The following ABCG2 variants were observed in gnomAD, a reference collection of about 807,000 sequenced individuals.
The protein encoded by ABCG2 is broad substrate specificity ATP-binding cassette transporter ABCG2.
ABCG2 carries 80 observed loss-of-function variants against 73.5 expected under a neutral mutation model. The ratio of observed to expected loss-of-function variants is 1.09; its 90% confidence interval spans 0.91 to 1.31. The LOEUF (loss-of-function observed/expected upper bound fraction) is 1.31. ABCG2 is among the 50% of genes most tolerant of loss of function. ABCG2 has a pLI of 0.00. For synonymous variants in ABCG2, 269 were observed against 282.4 expected (o/e 0.95, Z 0.48); for missense variants, 796 against 786.2 (o/e 1.01, Z -0.15).
chr4:88,179,471 A>C (rs1462352258), intron 1 of ABCG2, among the ~76,000 whole-genome samples: 1 of 152,206 alleles, frequency 6.6e-6, no homozygotes, highest in East Asian at 1.9e-4. Context: ...AGACTACAAT[A>C]AATACTTATC....
At chr4:88,227,144 G>A (rs113478801) in intron 1 of ABCG2, among the ~76,000 whole-genome samples, 21,439 of 152,154 alleles carry the variant, frequency 0.14, 1,768 homozygotes, top group Non-Finnish European at 0.19. Context: ...TGTAATCTCA[G>A]CACTTTGGGA....
intron 1 of ABCG2, among the ~76,000 whole-genome samples, chr4:88,185,601 T>C (rs1393740800): frequency 6.6e-6 from 1 of 152,050 alleles, no homozygotes; most frequent in Non-Finnish European, 1.5e-5. Context: ...ATTTGTAAAC[T>C]ACCCATCTGA....
At chr4:88,154,753 A>G (rs904645959) in intron 1 of ABCG2, among the ~76,000 whole-genome samples, 1 of 152,210 alleles carries the variant, frequency 6.6e-6, no homozygotes, top group Non-Finnish European at 1.5e-5. Context: ...GAGACGCAAC[A>G]AAGAGTGAGT....
Position 88,121,635 on chromosome 4 carries a change from C to A in ABCG2, c.689G>T (p.Arg230Met). ...AGAATAATGTTTCCAGAGCATTTAC[C>A]TTTTCAGGAGCAAAAGGACAGCATT... is the stretch of plus-strand genomic sequence containing the variant. ...TANAVLLLLK[R>M]MSKQGRTIIF... is the part of the protein sequence containing the mutation. The change falls in exon 6 of 16, where the codon AGG (arginine) becomes ATG (methionine). Residue 230 changes from arginine (R) to methionine (M), a missense_variant and splice_region_variant. Coordinates refer to ENST00000237612, the MANE Select transcript of ABCG2 (RefSeq NM_004827.3). 6.2e-7 allele frequency: 1 copy of A among 1,613,026 alleles called. No homozygotes were observed. Among genetic ancestry groups the A allele is most frequent in the Non-Finnish European group, 8.5e-7 (1 of 1,179,646 alleles).
intron 1 of ABCG2, among the ~76,000 whole-genome samples, chr4:88,226,152 T>G (rs921435939): frequency 6.6e-6 from 1 of 152,194 alleles, no homozygotes; most frequent in African/African-American, 2.4e-5. Flanking sequence ...TCAAACAGGT[T>G]TCTGCCTCCA....
At chr4:88,103,230 T>C (rs934675653) in intron 10 of ABCG2, among the ~76,000 whole-genome samples, 3 of 152,226 alleles carry the variant, frequency 2.0e-5, no homozygotes, top group African/African-American at 7.2e-5. Context: ...AAAGATTCAA[T>C]TCAATTTGTT....
chr4:88,112,971 G>T (rs1051557259), intron 9 of ABCG2, among the ~76,000 whole-genome samples: 2 of 151,998 alleles, frequency 1.3e-5, no homozygotes, highest in Non-Finnish European at 2.9e-5. Context: ...TTAGCTGGAC[G>T]TGGTGGGACA....
intron 9 of ABCG2, among the ~76,000 whole-genome samples, chr4:88,107,820 G>A (rs1045128798): frequency 3.3e-5 from 5 of 152,178 alleles, no homozygotes; most frequent in African/African-American, 1.2e-4. Flanking sequence ...GCACAGTGAG[G>A]AAATAGGGGT....
intron 6 of ABCG2, among the ~76,000 whole-genome samples, chr4:88,120,676 G>C (rs1360840712): frequency 6.6e-6 from 1 of 152,150 alleles, no homozygotes; most frequent in Non-Finnish European, 1.5e-5. Context: ...CCCAATGCCT[G>C]TACTCCTATT....
chr4:88,143,544 A>G (rs1725780201), intron 1 of ABCG2, among the ~76,000 whole-genome samples: 1 of 152,230 alleles, frequency 6.6e-6, no homozygotes, highest in South Asian at 2.1e-4. Context: ...CCATGCCCAT[A>G]CAAGACAGAG....
intron 1 of ABCG2, among the ~76,000 whole-genome samples, chr4:88,185,816 A>T (rs764966664): frequency 6.6e-6 from 1 of 152,224 alleles, no homozygotes; most frequent in Non-Finnish European, 1.5e-5. Context: ...ATCTCATCCC[A>T]GTTAAAACAG....
intron 1 of ABCG2, among the ~76,000 whole-genome samples, chr4:88,195,689 A>G (rs970699171): frequency 6.6e-6 from 1 of 152,188 alleles, no homozygotes. Flanking sequence ...TCCCATGCAC[A>G]GTTTGACCTT....
At chr4:88,221,193 T>G (rs921569641) in intron 1 of ABCG2, among the ~76,000 whole-genome samples, 1 of 152,018 alleles carries the variant, frequency 6.6e-6, no homozygotes, top group African/African-American at 2.4e-5. Context: ...CGCTTGAACC[T>G]GGGAGGCAGA....
intron 1 of ABCG2, among the ~76,000 whole-genome samples, chr4:88,183,280 A>C (rs189213890): frequency 6.6e-6 from 1 of 152,048 alleles, no homozygotes; most frequent in East Asian, 1.9e-4. Flanking sequence ...ATGAAACTGA[A>C]AGTTGGTTTT....
chr4:88,144,429 C>CT (rs1725835936), intron 1 of ABCG2, among the ~76,000 whole-genome samples: 2 of 148,872 alleles, frequency 1.3e-5, no homozygotes, highest in Non-Finnish European at 3.0e-5. Flanking sequence ...TGCTTCCTAA[C>CT]TAGCAAGGCC....
chr4:88,181,130 G>A (rs372052412), intron 1 of ABCG2, among the ~76,000 whole-genome samples: 10 of 152,132 alleles, frequency 6.6e-5, no homozygotes, highest in South Asian at 2.1e-4. Context: ...TAGCCGGTGC[G>A]GTGGCTCACG....
chr4:88,123,749 A>G (rs978523560), intron 5 of ABCG2, among the ~76,000 whole-genome samples: 6 of 152,188 alleles, frequency 3.9e-5, no homozygotes, highest in Non-Finnish European at 5.9e-5. Flanking sequence ...TCTTCAGGAT[A>G]TTATCCAGAA....
At chr4:88,093,134 G>A (rs948065532) in intron 15 of ABCG2, among the ~76,000 whole-genome samples, 1 of 152,208 alleles carries the variant, frequency 6.6e-6, no homozygotes, top group Non-Finnish European at 1.5e-5. Context: ...CACAGTTACT[G>A]CCTGATACCA....
chr4:88,095,646 A>G, intron 13 of ABCG2, 37 bp from the exon 14 acceptor site: 1 of 1,541,336 alleles, frequency 6.5e-7, no homozygotes, highest in African/African-American at 1.4e-5. Context: ...GGCCTGCTTG[A>G]GTAATTTCAT....
Sources: allele counts gnomAD v4.1 joint callset (sites outside exome capture counted in the v4.1 genomes callset), GRCh38; gene constraint gnomAD v4.1.1; transcripts MANE v1.5; gene names NCBI Gene and HGNC (gene_info 2026-07-23, HGNC 2026-07-21).